CCSER1: variants seen among roughly 807,000 people sequenced by gnomAD.
The protein encoded by CCSER1 is coiled-coil serine rich protein 1, also known as serine-rich coiled-coil domain-containing protein 1.
CCSER1 carries 41 observed loss-of-function variants against 82.0 expected under a neutral mutation model. The ratio of observed to expected loss-of-function variants is 0.50; its 90% confidence interval spans 0.39 to 0.65. The LOEUF is 0.65. Ranked by LOEUF, CCSER1 falls within the 30% of genes least tolerant of loss-of-function variation. CCSER1 has a pLI of 0.00. For synonymous variants in CCSER1, 414 were observed against 383.9 expected (o/e 1.08, Z -0.92); for missense variants, 1,119 against 1,064.2 (o/e 1.05, Z -0.72).
At chr4:90,723,012 G>A (rs769757003) in intron 6 of CCSER1, among the ~76,000 whole-genome samples, 29 of 151,832 alleles carry the variant, frequency 1.9e-4, no homozygotes, top group Non-Finnish European at 3.7e-4. Context: ...AATCTTCACT[G>A]CAAAATTTCT....
chr4:90,442,249 C>T (rs1344419511), intron 4 of CCSER1, among the ~76,000 whole-genome samples: 1 of 152,142 alleles, frequency 6.6e-6, no homozygotes, highest in Non-Finnish European at 1.5e-5. Context: ...GGATCTCCCT[C>T]ACTGTCACAG....
In CCSER1 at chr4:91,472,363, T is replaced by A. The variant is rs553639402; in HGVS notation, c.2218-126209T>A. On this transcript the variant is annotated intron_variant, in intron 10 of 10. Transcript: ENST00000509176. The stretch of plus-strand genomic sequence containing the variant: ...CATGAATAAAAGGAACTCAAGAGTC[T>A]CAAATGTTCTTACTTGAGTCTGTAG... Among the ~76,000 whole-genome samples, 4 of 152,310 alleles carry A rather than the reference T, an allele frequency of 2.6e-5. No individual in the cohort carries two copies. In the South Asian group the frequency reaches 8.3e-4, roughly 32 times the overall value.
intron 10 of CCSER1, among the ~76,000 whole-genome samples, chr4:91,525,546 G>C (rs138675536): frequency 2.0e-5 from 3 of 152,242 alleles, no homozygotes. Flanking sequence ...ATAATGGAGA[G>C]AGTGTACACT....
chr4:90,661,318 T>A (rs1044553412), intron 6 of CCSER1, among the ~76,000 whole-genome samples: 1 of 152,192 alleles, frequency 6.6e-6, no homozygotes, highest in African/African-American at 2.4e-5. Flanking sequence ...TTCGTTATCA[T>A]AAGAACCCCA....
At chr4:90,391,444 GTATATATATATA>G (rs770320334) in intron 3 of CCSER1, among the ~76,000 whole-genome samples, 864 of 37,476 alleles carry the variant, frequency 0.023, 14 homozygotes, top group Admixed American at 0.033. Context: ...ATATATGGGG[GTATATATATATA>G]TATATATATA....
At chr4:90,551,257 G>C (rs901773103) in intron 5 of CCSER1, among the ~76,000 whole-genome samples, 1 of 152,104 alleles carries the variant, frequency 6.6e-6, no homozygotes, top group Non-Finnish European at 1.5e-5. Context: ...GGCTCTTAGT[G>C]TAAAGTCCAA....
intron 7 of CCSER1, among the ~76,000 whole-genome samples, chr4:90,744,561 A>G (rs939374635): frequency 6.6e-6 from 1 of 152,190 alleles, no homozygotes; most frequent in Non-Finnish European, 1.5e-5. Flanking sequence ...ACCTATATTC[A>G]TATTAAAATA....
intron 4 of CCSER1, among the ~76,000 whole-genome samples, chr4:90,430,839 C>T (rs1758174716): frequency 1.3e-5 from 2 of 151,870 alleles, no homozygotes; most frequent in Non-Finnish European, 2.9e-5. Flanking sequence ...GGACTGTTAA[C>T]TATCTTTCTG....
At chr4:91,112,598 CTTCT>C (rs1273168892) in intron 10 of CCSER1, 6 of 152,090 alleles carry the variant, frequency 3.9e-5, no homozygotes, top group Non-Finnish European at 8.8e-5. Context: ...ATCAACCATA[CTTCT>C]TTCTCTCTTA....
At chr4:90,618,622 G>A (rs527766458) in intron 5 of CCSER1, among the ~76,000 whole-genome samples, 11 of 151,944 alleles carry the variant, frequency 7.2e-5, no homozygotes, top group Admixed American at 2.0e-4. Context: ...TACATGATAT[G>A]GATGTGAAGT....
At chr4:90,233,343 A>T (rs1051064974) in intron 1 of CCSER1, among the ~76,000 whole-genome samples, 6 of 152,134 alleles carry the variant, frequency 3.9e-5, no homozygotes, top group African/African-American at 1.4e-4. Flanking sequence ...TGAAATTGGA[A>T]ATCATCATTC....
intron 5 of CCSER1, among the ~76,000 whole-genome samples, chr4:90,600,760 G>T (rs1783941940): frequency 6.6e-6 from 1 of 151,460 alleles, no homozygotes; most frequent in Non-Finnish European, 1.5e-5. Flanking sequence ...CAAAAATCCT[G>T]CTAGGATTTT....
At chr4:91,131,354 T>G (rs958074225) in intron 10 of CCSER1, among the ~76,000 whole-genome samples, 1 of 150,178 alleles carries the variant, frequency 6.7e-6, no homozygotes, top group Non-Finnish European at 1.5e-5. Flanking sequence ...TTTGATTCTA[T>G]GATGTTAATA....
intron 7 of CCSER1, among the ~76,000 whole-genome samples, chr4:90,766,750 T>C (rs1354334139): frequency 6.6e-6 from 1 of 152,210 alleles, no homozygotes; most frequent in Non-Finnish European, 1.5e-5. Flanking sequence ...TTTAAAAATT[T>C]CTGGATTCCT....
intron 8 of CCSER1, among the ~76,000 whole-genome samples, chr4:90,921,118 T>A (rs1728318757): frequency 6.6e-6 from 1 of 151,858 alleles, no homozygotes; most frequent in African/African-American, 2.4e-5. Context: ...ATAAAACTCT[T>A]TTTGTACATA....
At chr4:90,557,300 C>T (rs539398710) in intron 5 of CCSER1, among the ~76,000 whole-genome samples, 3 of 152,010 alleles carry the variant, frequency 2.0e-5, no homozygotes, top group East Asian at 1.9e-4. Flanking sequence ...AATAATTGAT[C>T]GATACAGCAA....
intron 3 of CCSER1, among the ~76,000 whole-genome samples, chr4:90,343,178 G>T (rs1242240282): frequency 6.7e-6 from 1 of 150,026 alleles, no homozygotes; most frequent in African/African-American, 2.5e-5. Flanking sequence ...TCTATTTTTT[G>T]GGGGCCTTTA....
At chr4:91,226,386 T>A (rs1205533964) in intron 10 of CCSER1, among the ~76,000 whole-genome samples, 1 of 151,906 alleles carries the variant, frequency 6.6e-6, no homozygotes, top group Non-Finnish European at 1.5e-5. Context: ...TCATTGGAAT[T>A]TGCAAGAAAA....
At chr4:91,321,963 G>A (rs1233474884) in intron 10 of CCSER1, among the ~76,000 whole-genome samples, 2 of 152,130 alleles carry the variant, frequency 1.3e-5, no homozygotes, top group South Asian at 2.1e-4. Flanking sequence ...AATTCACTAA[G>A]GATAGGAAAT....
Sources: allele counts gnomAD v4.1 joint callset (sites outside exome capture counted in the v4.1 genomes callset), GRCh38; gene constraint gnomAD v4.1.1; transcripts MANE v1.5; gene names NCBI Gene and HGNC (gene_info 2026-07-23, HGNC 2026-07-21).